Variants in NDUFAF6 observed in about 807,000 individuals in gnomAD.
The protein encoded by NDUFAF6 is NADH:ubiquinone oxidoreductase complex assembly factor 6.
A neutral mutation model predicts 40.8 loss-of-function variants in NDUFAF6; 45 were observed. That is an observed-to-expected ratio of 1.10 (90% CI 0.87 to 1.42). The LOEUF (loss-of-function observed/expected upper bound fraction) is 1.42, where lower values mean the gene tolerates loss of function less well. Ranked by LOEUF, NDUFAF6 falls within the 40% of genes most tolerant of loss-of-function variation. NDUFAF6 has a pLI of 0.00. For synonymous variants in NDUFAF6, 185 were observed against 155.9 expected, an observed-to-expected ratio of 1.19 and a Z score of -1.39; for missense variants, 435 against 418.5, an observed-to-expected ratio of 1.04 and a Z score of -0.34.
At chr8:95,090,647 A>G (rs929902625) in intron 2 of NDUFAF6, among the ~76,000 whole-genome samples, 10 of 152,156 alleles carry the variant, frequency 6.6e-5, no homozygotes, top group Non-Finnish European at 7.3e-5. Context: ...GATGGTTAAT[A>G]CTGAGTGTCA....
At chr8:95,039,610 A>G (rs1177221486) in intron 3 of NDUFAF6, among the ~76,000 whole-genome samples, 1 of 151,170 alleles carries the variant, frequency 6.6e-6, no homozygotes, top group African/African-American at 2.4e-5. Flanking sequence ...ACTTATAATC[A>G]GGACAGTTTT....
intron 2 of NDUFAF6, among the ~76,000 whole-genome samples, chr8:94,946,435 T>G (rs1821995878): frequency 6.6e-6 from 1 of 151,668 alleles, no homozygotes; most frequent in Admixed American, 6.6e-5. Context: ...GCGCAGTGGC[T>G]CATGTCTATA....
At chr8:95,041,325 G>A (rs1830122622) in intron 3 of NDUFAF6, among the ~76,000 whole-genome samples, 1 of 152,166 alleles carries the variant, frequency 6.6e-6, no homozygotes, top group Non-Finnish European at 1.5e-5. Flanking sequence ...TAAATTATTA[G>A]CAGTATAGGA....
chr8:94,976,497 ATC>A (rs1288106234), intron 1 of NDUFAF6, among the ~76,000 whole-genome samples: 1 of 80,658 alleles, frequency 1.2e-5, no homozygotes, highest in Non-Finnish European at 2.6e-5. Flanking sequence ...GCAACACTCC[ATC>A]TCAAAAAAAA....
At chr8:94,980,285 A>G (rs1825310332) in intron 1 of NDUFAF6, among the ~76,000 whole-genome samples, 1 of 151,076 alleles carries the variant, frequency 6.6e-6, no homozygotes, top group Non-Finnish European at 1.5e-5. Flanking sequence ...ACTCATGTTA[A>G]ATGAGTTTAG....
chr8:95,061,985 C>T (rs1012278262), downstream of NDUFAF6, among the ~76,000 whole-genome samples: 6 of 151,988 alleles, frequency 3.9e-5, no homozygotes, highest in South Asian at 1.2e-3. Context: ...TGGCAAGACC[C>T]CATCTCTACA....
intron 8 of NDUFAF6, among the ~76,000 whole-genome samples, chr8:95,055,690 T>G (rs1832038338): frequency 6.6e-6 from 1 of 152,194 alleles, no homozygotes; most frequent in Non-Finnish European, 1.5e-5. Context: ...GGAAGTACAC[T>G]AAAATATTTT....
chr8:94,926,881 T>G (rs1237518093), intron 1 of NDUFAF6: 1 of 152,236 alleles, frequency 6.6e-6, no homozygotes, highest in Non-Finnish European at 1.5e-5. Context: ...ATTTTATGTA[T>G]AATTTTAAGC....
intron 2 of NDUFAF6, chr8:94,950,499 C>T (rs901545119): frequency 2.0e-5 from 3 of 152,282 alleles, no homozygotes; most frequent in African/African-American, 7.2e-5. Flanking sequence ...CACTCACATT[C>T]TGACCCTCAC....
At chr8:95,071,807 A>G (rs1461985997) in intron 9 of NDUFAF6, 1 of 152,702 alleles carries the variant, frequency 6.5e-6, no homozygotes, top group Non-Finnish European at 1.5e-5. Context: ...AAGTCATTCC[A>G]GTCCCAGGGC....
downstream of NDUFAF6, among the ~76,000 whole-genome samples, chr8:95,116,615 T>G (rs553155038): frequency 6.6e-6 from 1 of 152,308 alleles, no homozygotes; most frequent in East Asian, 1.9e-4. Context: ...CCTTCCAAAG[T>G]GCTGGAATTA....
downstream of NDUFAF6, among the ~76,000 whole-genome samples, chr8:95,106,463 C>G (rs1487466353): frequency 6.6e-6 from 1 of 152,104 alleles, no homozygotes; most frequent in Non-Finnish European, 1.5e-5. Flanking sequence ...CTTCCTTAAA[C>G]CTTATACAAA....
At chr8:95,026,255 C>T (rs1457164919) in intron 1 of NDUFAF6, among the ~76,000 whole-genome samples, 1 of 152,060 alleles carries the variant, frequency 6.6e-6, no homozygotes, top group Non-Finnish European at 1.5e-5. Flanking sequence ...GTTGTTTGAG[C>T]CCAGGTGTCT....
upstream of NDUFAF6, among the ~76,000 whole-genome samples, chr8:95,097,440 G>A (rs1475596994): frequency 1.3e-5 from 2 of 152,252 alleles, no homozygotes; most frequent in African/African-American, 4.8e-5. Flanking sequence ...GCTCACGCCT[G>A]TAATCCCAGG....
At chr8:95,076,989 G>T (rs192296162), downstream of NDUFAF6, among the ~76,000 whole-genome samples, 9 of 152,238 alleles carry the variant, frequency 5.9e-5, no homozygotes, top group African/African-American at 2.2e-4. Flanking sequence ...AAGTGATTAA[G>T]GTGAAATCAT....
At chr8:94,930,835 G>A (rs1204765851) in intron 1 of NDUFAF6, 5 of 1,240,552 alleles carry the variant, frequency 4.0e-6, no homozygotes, top group Non-Finnish European at 5.5e-6. Flanking sequence ...GTTTATGGCT[G>A]AATGAGAGCT....
downstream of NDUFAF6, among the ~76,000 whole-genome samples, chr8:95,080,117 AT>A (rs72358346): frequency 3.9e-3 from 124 of 31,456 alleles, 32 homozygotes; most frequent in African/African-American, 0.02. Context: ...TTTTGTAGTG[AT>A]TTTTTTGTAG....
At chr8:94,905,276 A>G (rs903161544) in intron 1 of NDUFAF6, among the ~76,000 whole-genome samples, 6 of 128,042 alleles carry the variant, frequency 4.7e-5, no homozygotes, top group African/African-American at 1.7e-4. Context: ...AAGTTTTGCC[A>G]CTCCTTTTCA....
chr8:94,996,091 G>A (rs1313583987), intron 2 of NDUFAF6, among the ~76,000 whole-genome samples: 1 of 152,118 alleles, frequency 6.6e-6, no homozygotes, highest in East Asian at 1.9e-4. Flanking sequence ...CCTTCAAGCT[G>A]TTTCTTCCTA....
Sources: allele counts gnomAD v4.1 joint callset (sites outside exome capture counted in the v4.1 genomes callset), GRCh38; gene constraint gnomAD v4.1.1; transcripts MANE v1.5; gene names NCBI Gene and HGNC (gene_info 2026-07-23, HGNC 2026-07-21).